SDK1: variants seen among roughly 807,000 people sequenced by gnomAD.
The protein encoded by SDK1 is sidekick cell adhesion molecule 1, also known as protein sidekick-1.
Under a neutral mutation model 245.5 loss-of-function variants are expected in SDK1, and 157 were observed. That is an observed-to-expected ratio of 0.64 (90% CI 0.56 to 0.73). The LOEUF is 0.73. Ranked by LOEUF, SDK1 falls within the 30% of genes least tolerant of loss-of-function variation. SDK1 has a pLI of 0.00. For missense variants in SDK1, 3,583 were observed against 3,002.3 expected (o/e 1.19, Z -4.52); for synonymous variants, 1,647 against 1,278.5 (o/e 1.29, Z -6.15).
intron 1 of SDK1, among the ~76,000 whole-genome samples, chr7:3,500,758 T>C (rs556394879): frequency 3.9e-5 from 6 of 152,126 alleles, no homozygotes; most frequent in Non-Finnish European, 8.8e-5. Context: ...CTCTCCTTTC[T>C]TTCTAAGACT....
chr7:3,697,471 G>C (rs1784608449), intron 4 of SDK1, among the ~76,000 whole-genome samples: 1 of 152,188 alleles, frequency 6.6e-6, no homozygotes, highest in Non-Finnish European at 1.5e-5. Context: ...TTAGAAGTTG[G>C]TGCGAGGCCT....
At chr7:3,820,508 C>T (rs377653192) in intron 4 of SDK1, among the ~76,000 whole-genome samples, 10 of 152,254 alleles carry the variant, frequency 6.6e-5, no homozygotes, top group Admixed American at 2.6e-4. Flanking sequence ...AAAAAGAATA[C>T]GGAATTATAA....
At chr7:3,740,254 C>A (rs1462718945) in intron 4 of SDK1, among the ~76,000 whole-genome samples, 1 of 152,138 alleles carries the variant, frequency 6.6e-6, no homozygotes, top group Non-Finnish European at 1.5e-5. Flanking sequence ...AGAGCCTTTT[C>A]CAGTGCTTTT....
At chr7:4,213,754 C>T (rs1200745616) in intron 38 of SDK1, among the ~76,000 whole-genome samples, 1 of 152,182 alleles carries the variant, frequency 6.6e-6, no homozygotes, top group Non-Finnish European at 1.5e-5. Context: ...GCCCAGTCTC[C>T]CAGACACAAG....
intron 1 of SDK1, among the ~76,000 whole-genome samples, chr7:3,308,444 C>T (rs1042060598): frequency 6.6e-5 from 10 of 152,082 alleles, no homozygotes; most frequent in Non-Finnish European, 1.5e-4. Flanking sequence ...AAAATTAACA[C>T]AGTAATTTTT....
intron 17 of SDK1, among the ~76,000 whole-genome samples, chr7:4,025,380 G>A (rs760002696): frequency 1.2e-4 from 19 of 152,318 alleles, no homozygotes; most frequent in Admixed American, 2.6e-4. Context: ...GAGCAGGGCC[G>A]CCAGCCGAGG....
At chr7:4,004,534 G>A (rs1356271695) in intron 14 of SDK1, among the ~76,000 whole-genome samples, 1 of 152,118 alleles carries the variant, frequency 6.6e-6, no homozygotes. Flanking sequence ...AATGCTCCAT[G>A]CTGGCAATGC....
At chr7:4,161,670 AGAAGGAAGGAGGCAG>A (rs2079143744) in intron 31 of SDK1, 101 bp from the exon 32 acceptor site, 7 of 779,340 alleles carry the variant, frequency 9.0e-6, no homozygotes, top group African/African-American at 1.7e-5. Flanking sequence ...GGACCCCTGG[AGAAGGAAGGAGGCAG>A]GGCTCACCAG....
intron 22 of SDK1, among the ~76,000 whole-genome samples, chr7:4,106,639 A>G (rs562581181): frequency 2.0e-5 from 3 of 152,156 alleles, no homozygotes; most frequent in Admixed American, 2.0e-4. Flanking sequence ...GCATCTCTGC[A>G]GAGGGAGCCG....
At chr7:3,622,087 G>A (rs775915340) in intron 2 of SDK1, among the ~76,000 whole-genome samples, 7 of 152,130 alleles carry the variant, frequency 4.6e-5, no homozygotes, top group Non-Finnish European at 1.0e-4. Flanking sequence ...TATGAGGGTA[G>A]GTATGTTAAA....
intron 25 of SDK1, among the ~76,000 whole-genome samples, chr7:4,117,497 T>C (rs977423033): frequency 6.6e-6 from 1 of 152,046 alleles, no homozygotes. Context: ...AATGAATTCA[T>C]CAACACACTC....
chr7:4,238,179 A>G (rs981218956), intron 42 of SDK1, among the ~76,000 whole-genome samples: 8 of 151,844 alleles, frequency 5.3e-5, no homozygotes, highest in Non-Finnish European at 1.0e-4. Context: ...TCCTGCATTC[A>G]AGTGATTCTC....
intron 1 of SDK1, among the ~76,000 whole-genome samples, chr7:3,602,630 T>G (rs1447055746): frequency 2.0e-5 from 3 of 151,840 alleles, no homozygotes; most frequent in Non-Finnish European, 4.4e-5. Context: ...GTAGGTTCCC[T>G]GTTCACTCTG....
At chr7:3,365,333 G>A (rs535749963) in intron 1 of SDK1, among the ~76,000 whole-genome samples, 1 of 152,070 alleles carries the variant, frequency 6.6e-6, no homozygotes, top group African/African-American at 2.4e-5. Context: ...AGAAACTCTG[G>A]TTCCTTTTAG....
At chr7:4,244,005 G>A (rs932545164) in intron 43 of SDK1, among the ~76,000 whole-genome samples, 34 of 152,278 alleles carry the variant, frequency 2.2e-4, no homozygotes, top group Middle Eastern at 3.4e-3. Context: ...ATAAGAAATG[G>A]CATCTTTCCC....
chr7:4,166,975 G>A (rs1245524716), intron 32 of SDK1, among the ~76,000 whole-genome samples: 2 of 152,138 alleles, frequency 1.3e-5, no homozygotes. Context: ...CCTACCCCCA[G>A]GCCTTCCCTC....
At chr7:4,195,504 G>A (rs892601809) in intron 35 of SDK1, among the ~76,000 whole-genome samples, 7 of 152,056 alleles carry the variant, frequency 4.6e-5, no homozygotes, top group Non-Finnish European at 1.0e-4. Flanking sequence ...GTCCCCTCCC[G>A]CCTGGGAGTC....
chr7:3,892,340 C>T (rs919642779), intron 5 of SDK1, among the ~76,000 whole-genome samples: 1 of 152,230 alleles, frequency 6.6e-6, no homozygotes, highest in African/African-American at 2.4e-5. Flanking sequence ...CACGTCTCCT[C>T]ATGCCAGGCT....
At position 4,010,953 on chromosome 7, in the gene SDK1, T is replaced by A. The variant is rs146285756; in HGVS notation, c.2132-13T>A. 6.2e-7 allele frequency: 1 copy of A among 1,613,970 alleles called. No homozygotes were observed. The highest frequency in any genetic ancestry group is 1.3e-5 in the African/African-American group (1 of 75,068). On this transcript the variant is annotated splice_polypyrimidine_tract_variant and intron_variant, in intron 14 of 44. Coordinates refer to ENST00000404826, the MANE Select transcript of SDK1 (RefSeq NM_152744.4). ...AGCCTGTGGGCTTGAATTCGTTTTCTTCATTCTTTCAGACTCTCCATGGAA... is the reference window on the plus strand; with the variant it reads ...AGCCTGTGGGCTTGAATTCGTTTTCATCATTCTTTCAGACTCTCCATGGAA...
Sources: gnomAD v4.1 joint callset for allele counts (sites outside exome capture counted in the v4.1 genomes callset) on GRCh38, gnomAD v4.1.1 for gene constraint, MANE v1.5 for transcripts, NCBI Gene and HGNC (gene_info 2026-07-23, HGNC 2026-07-21) for gene names.